TLL1: variants seen among roughly 807,000 people sequenced by gnomAD.
TLL1 encodes the protein tolloid-like protein 1.
TLL1 carries 49 observed loss-of-function variants against 128.2 expected under a neutral mutation model. The observed-to-expected ratio is 0.38, with a 90% CI of 0.30 to 0.48. The LOEUF is 0.48. TLL1 is among the 20% of genes least tolerant of loss of function. The pLI, the probability that TLL1 is intolerant of heterozygous loss-of-function variation, is 0.96. For synonymous variants in TLL1, 454 were observed against 418.8 expected, an observed-to-expected ratio of 1.08 and a Z score of -1.03; for missense variants, 1,123 against 1,242.0, an observed-to-expected ratio of 0.90 and a Z score of 1.44.
intron 1 of TLL1, among the ~76,000 whole-genome samples, chr4:165,891,980 G>T (rs1006590992): frequency 6.6e-6 from 1 of 152,212 alleles, no homozygotes; most frequent in African/African-American, 2.4e-5. Flanking sequence ...AAGGAAAGAG[G>T]TTTAATTGAC....
chr4:165,930,539 AGAGTG>A (rs1733470110), intron 1 of TLL1, among the ~76,000 whole-genome samples: 1 of 152,184 alleles, frequency 6.6e-6, no homozygotes, highest in South Asian at 2.1e-4. Context: ...CCACAAAGGC[AGAGTG>A]AAGTACCTCC....
chr4:165,882,974 A>T (rs1731025157), intron 1 of TLL1, among the ~76,000 whole-genome samples: 1 of 152,036 alleles, frequency 6.6e-6, no homozygotes, highest in Non-Finnish European at 1.5e-5. Context: ...AAATAGTTAC[A>T]GTAAGAACAG....
At chr4:165,905,906 G>A (rs1732231151) in intron 1 of TLL1, among the ~76,000 whole-genome samples, 1 of 152,026 alleles carries the variant, frequency 6.6e-6, no homozygotes, top group South Asian at 2.1e-4. Context: ...CCCCACAAAT[G>A]TCTGCTGAGG....
At chr4:166,089,291 A>C (rs1255434276) in intron 18 of TLL1, among the ~76,000 whole-genome samples, 2 of 152,088 alleles carry the variant, frequency 1.3e-5, no homozygotes, top group African/African-American at 4.8e-5. Context: ...TTACAAACTG[A>C]TGTTAGGAGT....
At chr4:165,992,543 A>G (rs752227707) in intron 2 of TLL1, among the ~76,000 whole-genome samples, 7 of 152,032 alleles carry the variant, frequency 4.6e-5, no homozygotes, top group South Asian at 2.1e-4. Flanking sequence ...CAAATTATCA[A>G]TAGATGACTC....
chr4:165,957,717 A>T lies in TLL1; in HGVS notation c.170-31664A>T, dbSNP rs567068184. The stretch of plus-strand genomic sequence containing the variant: ...TGGATCATTCTTTTTTTTTTTTTTT[A>T]AATTATTATTATACTTTAAGTTTTA... On this transcript the variant is annotated intron_variant, in intron 1 of 20. Coordinates refer to ENST00000061240, the MANE Select transcript of TLL1 (RefSeq NM_012464.5). Among the ~76,000 whole-genome samples the T allele has an allele frequency of 1.4e-3, 195 of 139,036 alleles. 2 individuals are homozygous for T. In the East Asian group the frequency reaches 0.023, roughly 16 times the overall value. 91.2% of individuals were successfully genotyped at this position (139,036 alleles called of 152,430 possible).
chr4:166,078,009 T>C lies in TLL1; in HGVS notation c.2421T>C (p.Thr807=). The change falls in exon 18 of 21, where the codon ACT becomes ACC. Residue 807 remains threonine, a synonymous_variant. Coordinates refer to ENST00000061240, the MANE Select transcript of TLL1 (RefSeq NM_012464.5). ...AATGCACTTGGGAAATCAGCGCCAC[T>C]CCTGGCCACCGAATCAAATTAGTAA... is the stretch of plus-strand genomic sequence containing the variant. ...RKECTWEISA[T]PGHRIKLAFS... 6.2e-7 allele frequency: 1 copy of C among 1,613,654 alleles called. No individual in the cohort carries two copies. The highest frequency in any genetic ancestry group is 1.1e-5 in the South Asian group (1 of 91,076).
intron 1 of TLL1, among the ~76,000 whole-genome samples, chr4:165,895,619 A>G: frequency 7.4e-6 from 1 of 135,918 alleles, no homozygotes; most frequent in Non-Finnish European, 1.5e-5. Context: ...CAAAAAGCTC[A>G]GTAAGACTTT....
Position 165,968,825 on chromosome 4 carries a change from G to C in TLL1, c.170-20556G>C, listed in dbSNP as rs201742452. 7.2e-5 allele frequency among the ~76,000 whole-genome samples: 11 copies of C among 152,086 alleles called. No individual in the cohort carries two copies. The East Asian group carries it at 1.9e-3, about 27-fold the overall frequency. ...GAGTTTCTCCCATTCTGTGATTGTA[G>C]CAATAGTTATGATGACCTACATAGA... On this transcript the variant is annotated intron_variant, in intron 1 of 20. Coordinates refer to ENST00000061240, the MANE Select transcript of TLL1 (RefSeq NM_012464.5).
At chr4:166,076,775 A>G (rs1741049234) in intron 17 of TLL1, among the ~76,000 whole-genome samples, 2 of 152,276 alleles carry the variant, frequency 1.3e-5, no homozygotes, top group Admixed American at 6.5e-5. Flanking sequence ...TGCTACCATA[A>G]TCATAGATTA....
At position 166,065,856 on chromosome 4, in the gene TLL1, T is replaced by G; in HGVS notation, c.2181T>G (p.Phe727Leu). The stretch of plus-strand genomic sequence containing the variant: ...CCAAGAAGGGCTTCAAAGCACATTT[T>G]TTCTCAGGTATAAGCATTCACATGT... Reference protein sequence around the residue: ...TVSKKGFKAHFFSDKDECSKD... With the variant: ...TVSKKGFKAHLFSDKDECSKD... The change falls in exon 16 of 21, where the codon TTT becomes TTG. Residue 727 changes from phenylalanine to leucine, a missense_variant. Phe to Leu is a conservative substitution (Grantham distance 22). This residue lies in a region of TLL1 where 634 missense variants were observed against 672.4 expected (regional missense o/e 0.94). Coordinates refer to ENST00000061240, the MANE Select transcript of TLL1 (RefSeq NM_012464.5). 1 of 1,610,970 alleles carries G rather than the reference T, an allele frequency of 6.2e-7. No homozygotes were observed. Among genetic ancestry groups the G allele is most frequent in the Non-Finnish European group, 8.5e-7 (1 of 1,178,432 alleles).
At position 165,930,979 on chromosome 4, in the gene TLL1, T is replaced by TC; in HGVS notation, c.169+56908dup. On this transcript the variant is annotated intron_variant, in intron 1 of 20. Coordinates refer to ENST00000061240, the MANE Select transcript of TLL1 (RefSeq NM_012464.5). ...ACAATAGCAAATGCTTCTAAAGTGC[T>TC]CCTTGGGTGTCAAGCACTGTTCTAA... Among the ~76,000 whole-genome samples the TC allele has an allele frequency of 3.9e-5, 6 of 152,312 alleles. No homozygotes were observed. In the East Asian group the frequency reaches 1.2e-3, roughly 29 times the overall value.
chr4:165,956,672 G>A (rs546585961), intron 1 of TLL1, among the ~76,000 whole-genome samples: 13 of 152,090 alleles, frequency 8.5e-5, no homozygotes, highest in South Asian at 2.1e-4. Flanking sequence ...CAATCAATTT[G>A]TACAGTTAAC....
intron 12 of TLL1, among the ~76,000 whole-genome samples, chr4:166,050,153 TTCA>T (rs1410247709): frequency 3.3e-5 from 5 of 152,166 alleles, no homozygotes; most frequent in African/African-American, 1.2e-4. Flanking sequence ...TCCAGAACTC[TTCA>T]TCTTGCAAAG....
intron 1 of TLL1, among the ~76,000 whole-genome samples, chr4:165,962,520 C>G (rs967817090): frequency 1.3e-5 from 2 of 152,048 alleles, no homozygotes; most frequent in African/African-American, 4.8e-5. Context: ...GGAGATTTCT[C>G]GAAGAACTGA....
chr4:166,085,702 C>G (rs1741479985), intron 18 of TLL1, among the ~76,000 whole-genome samples: 1 of 151,942 alleles, frequency 6.6e-6, no homozygotes, highest in African/African-American at 2.4e-5. Flanking sequence ...GAAGGCTTTT[C>G]ATCTATGTTC....
At chr4:165,887,891 A>G (rs1731235960) in intron 1 of TLL1, among the ~76,000 whole-genome samples, 1 of 152,016 alleles carries the variant, frequency 6.6e-6, no homozygotes. Flanking sequence ...AGATTTATTC[A>G]TATATTTTTA....
At chr4:165,890,069 A>G (rs1170967302) in intron 1 of TLL1, among the ~76,000 whole-genome samples, 1 of 152,156 alleles carries the variant, frequency 6.6e-6, no homozygotes, top group Non-Finnish European at 1.5e-5. Context: ...TTCACATGGC[A>G]GCAGCAAGGA....
intron 12 of TLL1, among the ~76,000 whole-genome samples, chr4:166,045,969 C>G (rs550680154): frequency 6.6e-6 from 1 of 152,288 alleles, no homozygotes; most frequent in East Asian, 1.9e-4. Context: ...AATTGCACTT[C>G]CAACTACCAG....
Sources: allele counts gnomAD v4.1 joint callset (sites outside exome capture counted in the v4.1 genomes callset), GRCh38; gene constraint gnomAD v4.1.1; regional missense constraint gnomAD v4.1.1; transcripts MANE v1.5; gene names NCBI Gene and HGNC (gene_info 2026-07-23, HGNC 2026-07-21).